Variants in PRIM2 observed in about 807,000 individuals in gnomAD.
The protein encoded by PRIM2 is DNA primase large subunit.
Under a neutral mutation model 67.3 loss-of-function variants are expected in PRIM2, and 39 were observed. The observed-to-expected ratio is 0.58, with a 90% CI of 0.45 to 0.76. PRIM2 has a LOEUF of 0.76. Among genes scored for constraint, PRIM2 ranks in the 30% least tolerant of loss-of-function variants. The probability of loss-of-function intolerance (pLI) is 0.00; values close to 1 mark genes in which losing one functional copy is unlikely to be tolerated. For missense variants in PRIM2, 398 were observed against 598.7 expected (o/e 0.66, Z 3.50); for synonymous variants, 143 against 198.7 (o/e 0.72, Z 2.36).
chr6:57,375,351 T>A (rs1769726199), intron 5 of PRIM2, among the ~76,000 whole-genome samples: 1 of 152,246 alleles, frequency 6.6e-6, no homozygotes, highest in South Asian at 2.1e-4. Flanking sequence ...TTAGTTCTGT[T>A]TATGTGATGA....
intron 7 of PRIM2, among the ~76,000 whole-genome samples, chr6:57,398,774 G>T (rs910251616): frequency 6.6e-6 from 1 of 152,044 alleles, no homozygotes; most frequent in African/African-American, 2.4e-5. Flanking sequence ...TATTTTGTGG[G>T]AATCTATGTC....
the PRIM2 span, among the ~76,000 whole-genome samples, chr6:57,251,508 C>G: frequency 6.6e-6 from 1 of 152,174 alleles, no homozygotes; most frequent in African/African-American, 2.4e-5. Context: ...TTGAATCAGT[C>G]TCAAATTTCT....
the PRIM2 span, among the ~76,000 whole-genome samples, chr6:57,253,513 C>G: frequency 6.6e-6 from 1 of 151,888 alleles, no homozygotes; most frequent in Non-Finnish European, 1.5e-5. Context: ...ATCTGTTCTA[C>G]CTGGTACTGT....
the PRIM2 span, among the ~76,000 whole-genome samples, chr6:57,241,891 C>G: frequency 6.6e-6 from 1 of 152,018 alleles, no homozygotes; most frequent in Non-Finnish European, 1.5e-5. Flanking sequence ...CCAGGATGGT[C>G]TCGATCTCCT....
chr6:57,381,219 T>C (rs866321899), intron 6 of PRIM2, among the ~76,000 whole-genome samples: 1 of 152,184 alleles, frequency 6.6e-6, no homozygotes, highest in Non-Finnish European at 1.5e-5. Context: ...AAAAAGCACA[T>C]GATCTGTTTA....
At chr6:57,374,817 C>G (rs534057451) in intron 5 of PRIM2, among the ~76,000 whole-genome samples, 2 of 152,260 alleles carry the variant, frequency 1.3e-5, no homozygotes, top group South Asian at 2.1e-4. Flanking sequence ...AACTCCTGAC[C>G]TGAGGTGGTT....
At position 57,473,372 on chromosome 6, in the gene PRIM2, G is replaced by A. The variant is rs1581939883; in HGVS notation, c.694-34015G>A. 2.6e-5 allele frequency among the ~76,000 whole-genome samples: 4 copies of A among 152,284 alleles called. No homozygotes were observed. In the East Asian group the frequency reaches 7.7e-4, roughly 29 times the overall value. On this transcript the variant is annotated intron_variant, in intron 7 of 13. Coordinates refer to ENST00000615550, the MANE Select transcript of PRIM2 (RefSeq NM_000947.5). ...ATAGCACCATGCCAGACTTTGTACT[G>A]TATCTGATGTACACACTTTCCAGCT...
At chr6:57,445,455 CA>C (rs1156782408) in intron 7 of PRIM2, among the ~76,000 whole-genome samples, 2 of 152,116 alleles carry the variant, frequency 1.3e-5, no homozygotes, top group African/African-American at 4.8e-5. Flanking sequence ...TTTGCACAAT[CA>C]AAAATAATTT....
At position 57,526,999 on chromosome 6, in the gene PRIM2, A is replaced by G. The variant is rs1554349466; in HGVS notation, c.762-5412A>G. On this transcript the variant is annotated intron_variant, in intron 8 of 13. Transcript: ENST00000615550. ...CGCTGAGCTCTGAATGGAGAAGGGC[A>G]CGTCTCTTTCCTGGCTACCTGTTAG... Among the ~76,000 whole-genome samples, 203 of 152,352 alleles carry G rather than the reference A, an allele frequency of 1.3e-3. 5 individuals are homozygous for G. The East Asian group carries it at 0.017, about 13-fold the overall frequency.
intron 8 of PRIM2, among the ~76,000 whole-genome samples, chr6:57,526,297 C>T (rs1481301682): frequency 2.6e-5 from 4 of 152,118 alleles, no homozygotes; most frequent in Non-Finnish European, 5.9e-5. Context: ...CCCTTAATGC[C>T]TTTCACCTGA....
intron 10 of PRIM2, among the ~76,000 whole-genome samples, chr6:57,550,044 C>T (rs1775368865): frequency 6.6e-6 from 1 of 152,220 alleles, no homozygotes; most frequent in South Asian, 2.1e-4. Context: ...GAGATCTCAC[C>T]ATTGCACTCC....
At chr6:57,402,341 C>T (rs1334145106) in intron 7 of PRIM2, among the ~76,000 whole-genome samples, 4 of 152,156 alleles carry the variant, frequency 2.6e-5, no homozygotes, top group African/African-American at 9.7e-5. Context: ...TAATATATGT[C>T]AAGTTTACTG....
At chr6:57,271,655 C>A in the PRIM2 span, among the ~76,000 whole-genome samples, 21 of 152,222 alleles carry the variant, frequency 1.4e-4, no homozygotes, top group East Asian at 3.1e-3. Context: ...TTAGTTATTT[C>A]TTGCCTTCTG....
intron 10 of PRIM2, among the ~76,000 whole-genome samples, chr6:57,550,492 T>C (rs1775380372): frequency 6.6e-6 from 1 of 152,150 alleles, no homozygotes; most frequent in Admixed American, 6.5e-5. Context: ...TTATTATCCT[T>C]CTCCTAACAC....
chr6:57,603,225 C>CT (rs1227047959), intron 11 of PRIM2, among the ~76,000 whole-genome samples: 7 of 152,126 alleles, frequency 4.6e-5, no homozygotes, highest in Non-Finnish European at 7.4e-5. Flanking sequence ...TTGTTTTCGT[C>CT]TTTTTTCTCT....
the PRIM2 span, among the ~76,000 whole-genome samples, chr6:57,299,836 A>C: frequency 6.6e-5 from 10 of 152,184 alleles, no homozygotes; most frequent in African/African-American, 2.4e-4. Flanking sequence ...ACCTTGCTGG[A>C]ATAATAAATA....
the PRIM2 span, among the ~76,000 whole-genome samples, chr6:57,272,935 A>C: frequency 6.6e-6 from 1 of 152,180 alleles, no homozygotes; most frequent in Non-Finnish European, 1.5e-5. Flanking sequence ...TCTTTTCTTG[A>C]AGAATGTTAA....
chr6:57,286,797 A>C, the PRIM2 span, among the ~76,000 whole-genome samples: 1 of 152,246 alleles, frequency 6.6e-6, no homozygotes, highest in Non-Finnish European at 1.5e-5. Flanking sequence ...TCAGCAAAAG[A>C]AACTATCATC....
At chr6:57,318,801 A>G (rs1767559413) in intron 2 of PRIM2, among the ~76,000 whole-genome samples, 1 of 152,162 alleles carries the variant, frequency 6.6e-6, no homozygotes, top group East Asian at 1.9e-4. Context: ...TTATTGTACA[A>G]TGCATATTAT....
Sources: gnomAD v4.1 joint callset for allele counts (sites outside exome capture counted in the v4.1 genomes callset) on GRCh38, gnomAD v4.1.1 for gene constraint, MANE v1.5 for transcripts, NCBI Gene and HGNC (gene_info 2026-07-23, HGNC 2026-07-21) for gene names.